The following DPYD variants were observed in gnomAD, a reference collection of about 807,000 sequenced individuals.
DPYD encodes the protein dihydropyrimidine dehydrogenase [NADP(+)].
In DPYD, 109 loss-of-function variants were observed where a neutral mutation model predicts 116.2. The ratio of observed to expected loss-of-function variants is 0.94; its 90% CI spans 0.80 to 1.10. The LOEUF (loss-of-function observed/expected upper bound fraction) is 1.10, where lower values mean the gene tolerates loss of function less well. DPYD is among the 50% of genes least tolerant of loss of function. DPYD has a pLI of 0.00. For missense variants in DPYD, 1,302 were observed against 1,254.5 expected, an observed-to-expected ratio of 1.04 and a Z score of -0.57; for synonymous variants, 440 against 432.0, an observed-to-expected ratio of 1.02 and a Z score of -0.23.
At chr1:97,322,139 A>T (rs1427566539) in intron 16 of DPYD, among the ~76,000 whole-genome samples, 1 of 140,412 alleles carries the variant, frequency 7.1e-6, no homozygotes, top group East Asian at 2.2e-4. Context: ...ATGCTAGATG[A>T]CGCGTTAGTG....
intron 20 of DPYD, among the ~76,000 whole-genome samples, chr1:97,155,772 C>T (rs559091258): frequency 5.9e-5 from 9 of 152,282 alleles, no homozygotes; most frequent in Non-Finnish European, 1.3e-4. Context: ...CAAATTATAG[C>T]CAACTACAAA....
chr1:97,373,136 G>A (rs1207134226), intron 16 of DPYD, among the ~76,000 whole-genome samples: 3 of 152,082 alleles, frequency 2.0e-5, no homozygotes, highest in African/African-American at 4.8e-5. Context: ...AATAATGATC[G>A]TATGCTAAAA....
chr1:97,581,551 G>A (rs1557814540), intron 10 of DPYD, among the ~76,000 whole-genome samples: 1 of 151,362 alleles, frequency 6.6e-6, no homozygotes. Flanking sequence ...AGACTAGCCT[G>A]GGTAAAATAG....
chr1:97,897,345 T>G (rs759535340), intron 1 of DPYD, among the ~76,000 whole-genome samples: 1 of 151,914 alleles, frequency 6.6e-6, no homozygotes, highest in East Asian at 1.9e-4. Context: ...TCACTAGTTT[T>G]GACCAATTTG....
chr1:97,430,209 G>C (rs1196261095), intron 14 of DPYD, among the ~76,000 whole-genome samples: 1 of 152,084 alleles, frequency 6.6e-6, no homozygotes, highest in Non-Finnish European at 1.5e-5. Context: ...ACATAAATCA[G>C]AAAATCGCAG....
intron 2 of DPYD, among the ~76,000 whole-genome samples, chr1:97,857,660 G>T (rs918971649): frequency 9.9e-5 from 15 of 152,112 alleles, no homozygotes; most frequent in Non-Finnish European, 2.1e-4. Flanking sequence ...CTCTTCATCT[G>T]TATCCTTTGT....
intron 7 of DPYD, among the ~76,000 whole-genome samples, chr1:97,681,670 C>T (rs1358696820): frequency 6.6e-6 from 1 of 151,952 alleles, no homozygotes; most frequent in Non-Finnish European, 1.5e-5. Context: ...AATAGTGAGG[C>T]TTTAGAACTT....
At chr1:97,437,456 A>C (rs1337717136) in intron 14 of DPYD, among the ~76,000 whole-genome samples, 1 of 151,948 alleles carries the variant, frequency 6.6e-6, no homozygotes, top group African/African-American at 2.4e-5. Flanking sequence ...GTTGATGAAA[A>C]TATGAGTTAG....
In DPYD at chr1:97,180,956, G is replaced by A. The variant is rs181772733; in HGVS notation, c.2622+12113C>T. On this transcript the variant is annotated intron_variant, in intron 20 of 22. Transcript: ENST00000370192. ...TATTTCAGGCATGCAATGGTGGATT[G>A]TGATAAGGCAGTTGTAGCAGCTACA... Among the ~76,000 whole-genome samples, 6 of 152,300 alleles carry A rather than the reference G, an allele frequency of 3.9e-5. No homozygotes were observed. The East Asian group carries it at 1.2e-3, about 29-fold the overall frequency.
intron 2 of DPYD, chr1:97,855,389 G>T (rs1670778749): frequency 1.3e-5 from 2 of 152,020 alleles, no homozygotes; most frequent in African/African-American, 4.8e-5. Context: ...ACAGACTACT[G>T]GAGTTTTTGT....
chr1:97,693,625 A>T (rs1341501842), intron 6 of DPYD, among the ~76,000 whole-genome samples: 1 of 152,154 alleles, frequency 6.6e-6, no homozygotes, highest in Non-Finnish European at 1.5e-5. Context: ...GCTGCATGAG[A>T]GGGAGATTAA....
At position 97,294,859 on chromosome 1, in the gene DPYD, A is replaced by G. The variant is rs138662889; in HGVS notation, c.2299+10400T>C. Among the ~76,000 whole-genome samples, 50 of 152,334 alleles carry G rather than the reference A, an allele frequency of 3.3e-4. No individual in the cohort carries two copies. The East Asian group carries it at 9.4e-3, about 29-fold the overall frequency. On this transcript the variant is annotated intron_variant, in intron 18 of 22. Coordinates refer to ENST00000370192, the MANE Select transcript of DPYD (RefSeq NM_000110.4). The stretch of plus-strand genomic sequence containing the variant: ...CCTATCTGACTCAATTTTCCAAGAT[A>G]GAGACTGAGTGAAACAGGTAATATC...
chr1:97,082,593 A>G (rs1474900207), intron 21 of DPYD, 123 bp from the exon 22 acceptor site: 2 of 1,160,848 alleles, frequency 1.7e-6, no homozygotes, highest in African/African-American at 3.0e-5. Context: ...GGGAGACTGG[A>G]TAGTATAATT....
intron 3 of DPYD, among the ~76,000 whole-genome samples, chr1:97,795,224 T>C (rs984894553): frequency 6.6e-6 from 1 of 152,044 alleles, no homozygotes; most frequent in Non-Finnish European, 1.5e-5. Flanking sequence ...TTTAATTTCC[T>C]ACCCTCTCTA....
chr1:97,870,848 A>G (rs746634436), intron 2 of DPYD, among the ~76,000 whole-genome samples: 2 of 151,810 alleles, frequency 1.3e-5, no homozygotes, highest in African/African-American at 2.4e-5. Flanking sequence ...CGCTGCTGCC[A>G]TTGTCTACCT....
chr1:97,412,541 C>T (rs1674063969), intron 14 of DPYD, among the ~76,000 whole-genome samples: 1 of 152,020 alleles, frequency 6.6e-6, no homozygotes, highest in Non-Finnish European at 1.5e-5. Flanking sequence ...ATTTTTTATA[C>T]CATAAAAATT....
chr1:97,741,849 A>G (rs1478944113), intron 3 of DPYD, among the ~76,000 whole-genome samples: 1 of 152,076 alleles, frequency 6.6e-6, no homozygotes, highest in Non-Finnish European at 1.5e-5. Flanking sequence ...GTAGTCCTGG[A>G]GGGAGGTTGT....
intron 16 of DPYD, among the ~76,000 whole-genome samples, chr1:97,353,672 A>C (rs1670265204): frequency 6.6e-6 from 1 of 150,718 alleles, no homozygotes; most frequent in African/African-American, 2.4e-5. Flanking sequence ...TTAGAAATGA[A>C]TTTTGGGTGC....
At chr1:97,115,699 A>G (rs564493003) in intron 20 of DPYD, among the ~76,000 whole-genome samples, 2 of 152,312 alleles carry the variant, frequency 1.3e-5, no homozygotes, top group South Asian at 4.1e-4. Flanking sequence ...GAAAATTACA[A>G]TCATTATTAT....
Sources: gnomAD v4.1 joint callset for allele counts (sites outside exome capture counted in the v4.1 genomes callset) on GRCh38, gnomAD v4.1.1 for gene constraint, MANE v1.5 for transcripts, NCBI Gene and HGNC (gene_info 2026-07-23, HGNC 2026-07-21) for gene names.